The following GSK3B variants were observed in gnomAD, a reference collection of about 807,000 sequenced individuals.
GSK3B encodes glycogen synthase kinase 3 beta, also known as glycogen synthase kinase-3 beta.
A neutral mutation model predicts 56.4 loss-of-function variants in GSK3B; 15 were observed. The observed-to-expected ratio is 0.27, with a 90% CI of 0.18 to 0.41. The LOEUF (loss-of-function observed/expected upper bound fraction) is 0.41. Among genes scored for constraint, GSK3B ranks in the 10% least tolerant of loss-of-function variants. The pLI, the probability that GSK3B is intolerant of heterozygous loss-of-function variation, is 1.00. For synonymous variants in GSK3B, 181 were observed against 188.9 expected (o/e 0.96, Z 0.34); for missense variants, 300 against 513.4 (o/e 0.58, Z 4.02).
At chr3:120,027,153 C>G (rs1175952123) in intron 1 of GSK3B, among the ~76,000 whole-genome samples, 2 of 150,916 alleles carry the variant, frequency 1.3e-5, no homozygotes, top group Admixed American at 6.6e-5. Flanking sequence ...GACAGGCAGA[C>G]CACTTGAAGT....
chr3:120,036,703 G>C (rs548964033), intron 1 of GSK3B, among the ~76,000 whole-genome samples: 1 of 142,252 alleles, frequency 7.0e-6, no homozygotes, highest in Non-Finnish European at 1.5e-5. Context: ...TGAGGCAAGA[G>C]AATTGCTTGA....
chr3:120,021,161 AGACCACTGATGAAGAT>A (rs1211627972), intron 1 of GSK3B, among the ~76,000 whole-genome samples: 1 of 152,162 alleles, frequency 6.6e-6, no homozygotes, highest in Non-Finnish European at 1.5e-5. Flanking sequence ...GATTTAGCTA[AGACCACTGATGAAGAT>A]AACTACACTA....
chr3:119,838,522 A>G (rs1162320756), intron 10 of GSK3B, among the ~76,000 whole-genome samples: 1 of 152,216 alleles, frequency 6.6e-6, no homozygotes, highest in Non-Finnish European at 1.5e-5. Flanking sequence ...ACATGAAAAT[A>G]CACATTTTGA....
At chr3:119,959,320 A>T (rs1274912652) in intron 2 of GSK3B, among the ~76,000 whole-genome samples, 1 of 152,028 alleles carries the variant, frequency 6.6e-6, no homozygotes, top group Admixed American at 6.6e-5. Flanking sequence ...AAATCTTTTA[A>T]CCAACTGCTT....
intron 9 of GSK3B, among the ~76,000 whole-genome samples, chr3:119,859,274 T>G (rs1017982814): frequency 6.6e-6 from 1 of 152,066 alleles, no homozygotes; most frequent in Non-Finnish European, 1.5e-5. Context: ...TCTCAGGTAG[T>G]TGTAATACTA....
rs529917582 is a variant in GSK3B at position 119,914,106 on chromosome 3, G to A, written c.609-1296C>T. ...ACGGAGCAGCCTCTCTTACAGAGGA[G>A]ACTGGTTTTAACTACTTCCCAATAT... On this transcript the variant is annotated intron_variant, in intron 5 of 10. Coordinates refer to ENST00000264235, the MANE Select transcript of GSK3B (RefSeq NM_001146156.2). Among the ~76,000 whole-genome samples, 6 of 152,148 alleles carry A rather than the reference G, an allele frequency of 3.9e-5. No individual in the cohort carries two copies. The East Asian group carries it at 7.7e-4, about 20-fold the overall frequency.
chr3:119,835,917 C>T (rs972818260), intron 10 of GSK3B, among the ~76,000 whole-genome samples: 4 of 152,148 alleles, frequency 2.6e-5, no homozygotes, highest in African/African-American at 9.7e-5. Flanking sequence ...TTTAGAAAAG[C>T]AAGCATCTAA....
chr3:120,066,595 G>C (rs1258140632), intron 1 of GSK3B, among the ~76,000 whole-genome samples: 1 of 152,136 alleles, frequency 6.6e-6, no homozygotes, highest in Admixed American at 6.5e-5. Context: ...TTGAGGTAAA[G>C]TTCTTCTTTA....
chr3:120,058,044 C>T (rs78737715), intron 1 of GSK3B, among the ~76,000 whole-genome samples: 4,177 of 152,012 alleles, frequency 0.027, 181 homozygotes, highest in African/African-American at 0.092. Context: ...CTTGCTACAA[C>T]AAAAATATTT....
Position 119,825,972 on chromosome 3 carries a change from C to G in GSK3B, c.*816G>C, listed in dbSNP as rs2055497094. 9.3e-6 allele frequency: 2 copies of G among 215,812 alleles called. No homozygotes were observed. The highest frequency in any genetic ancestry group is 3.7e-4 in the South Asian group (2 of 5,398). 13.4% of individuals were successfully genotyped at this position (215,812 alleles called of 1,614,324 possible). A position where few individuals can be genotyped will look rare whatever the true frequency, so the allele number is the denominator to read the frequency against. ...ACACCCCTTCCATCTCCTCCCAGGT[C>G]ACTAGTTTGAAACTGTGCTAAGATT... On this transcript the variant is annotated 3_prime_UTR_variant, in exon 11 of 11. Coordinates refer to ENST00000264235, the MANE Select transcript of GSK3B (RefSeq NM_001146156.2).
intron 7 of GSK3B, among the ~76,000 whole-genome samples, chr3:119,898,638 G>A (rs1016545411): frequency 1.3e-5 from 2 of 152,098 alleles, no homozygotes; most frequent in Non-Finnish European, 2.9e-5. Context: ...TTGAGCTACA[G>A]ATGAATCAGA....
chr3:120,002,282 G>C, intron 1 of GSK3B, 43 bp from the exon 2 acceptor site: 2 of 1,165,274 alleles, frequency 1.7e-6, no homozygotes, highest in Non-Finnish European at 2.3e-6. Flanking sequence ...GAACTGTAAG[G>C]AATTAAATAG....
intron 2 of GSK3B, among the ~76,000 whole-genome samples, chr3:119,950,763 G>C (rs2057149618): frequency 6.6e-6 from 1 of 152,152 alleles, no homozygotes; most frequent in Non-Finnish European, 1.5e-5. Context: ...ACAACAAATT[G>C]AGAAGCATTT....
chr3:120,004,336 G>A (rs1380372533), intron 1 of GSK3B, among the ~76,000 whole-genome samples: 1 of 152,196 alleles, frequency 6.6e-6, no homozygotes, highest in Non-Finnish European at 1.5e-5. Flanking sequence ...TCTGGGGGCA[G>A]GGCATATCTG....
chr3:119,899,450 T>C (rs2056604243), intron 7 of GSK3B, among the ~76,000 whole-genome samples: 1 of 152,140 alleles, frequency 6.6e-6, no homozygotes, highest in Admixed American at 6.6e-5. Context: ...GAATGTAAAG[T>C]GCTTAACCCA....
chr3:119,950,695 AACTGAAGTAC>A (rs1328082699), intron 2 of GSK3B, among the ~76,000 whole-genome samples: 1 of 152,222 alleles, frequency 6.6e-6, no homozygotes, highest in Admixed American at 6.5e-5. Flanking sequence ...ATACTTATAA[AACTGAAGTAC>A]ACTGAAGAAA....
At chr3:120,041,528 G>C (rs2058064961) in intron 1 of GSK3B, 1 of 216,376 alleles carries the variant, frequency 4.6e-6, no homozygotes, top group Admixed American at 4.5e-5. Flanking sequence ...ATTCTTTAGA[G>C]TCACTTATAT....
chr3:120,089,580 C>A (rs973401288), intron 1 of GSK3B, among the ~76,000 whole-genome samples: 1 of 152,118 alleles, frequency 6.6e-6, no homozygotes, highest in Non-Finnish European at 1.5e-5. Flanking sequence ...TCTCTCTTTG[C>A]TAATAGAAAT....
intron 1 of GSK3B, among the ~76,000 whole-genome samples, chr3:120,004,455 AC>A (rs2057708461): frequency 6.6e-6 from 1 of 152,168 alleles, no homozygotes; most frequent in South Asian, 2.1e-4. Context: ...TAAGGGACAG[AC>A]TGTTATCCAA....
Sources: allele counts gnomAD v4.1 joint callset (sites outside exome capture counted in the v4.1 genomes callset), GRCh38; gene constraint gnomAD v4.1.1; transcripts MANE v1.5; gene names NCBI Gene and HGNC (gene_info 2026-07-23, HGNC 2026-07-21).